SOX5: variants seen among roughly 807,000 people sequenced by gnomAD.
SOX5 encodes transcription factor SOX-5.
In SOX5, 9 loss-of-function variants were observed where a neutral mutation model predicts 92.0. That is an observed-to-expected ratio of 0.10 (90% CI 0.06 to 0.17). The LOEUF (loss-of-function observed/expected upper bound fraction) is 0.17, where lower values mean the gene tolerates loss of function less well. Among genes scored for constraint, SOX5 ranks in the 10% least tolerant of loss-of-function variants. The probability of loss-of-function intolerance (pLI) is 1.00; values close to 1 mark genes in which losing one functional copy is unlikely to be tolerated. For missense variants in SOX5, 642 were observed against 944.5 expected, an observed-to-expected ratio of 0.68 and a Z score of 4.20; for synonymous variants, 344 against 336.3, an observed-to-expected ratio of 1.02 and a Z score of -0.25.
intron 6 of SOX5, among the ~76,000 whole-genome samples, chr12:23,720,890 C>T (rs539035238): frequency 6.6e-6 from 1 of 152,180 alleles, no homozygotes; most frequent in South Asian, 2.1e-4. Flanking sequence ...TCCGTACCTA[C>T]GATCTTGATC....
At chr12:24,104,568 TC>T (rs1413943571) in intron 4 of SOX5, among the ~76,000 whole-genome samples, 1 of 152,234 alleles carries the variant, frequency 6.6e-6, no homozygotes, top group Non-Finnish European at 1.5e-5. Flanking sequence ...GACATCATTA[TC>T]ATTATTTTTA....
intron 1 of SOX5, among the ~76,000 whole-genome samples, chr12:24,390,782 G>A (rs1222216316): frequency 6.6e-6 from 1 of 152,096 alleles, no homozygotes; most frequent in Admixed American, 6.6e-5. Context: ...GTATTCTGTG[G>A]CATGTGTACA....
chr12:24,050,002 C>T (rs188353055), intron 4 of SOX5, among the ~76,000 whole-genome samples: 3 of 147,774 alleles, frequency 2.0e-5, no homozygotes, highest in African/African-American at 7.5e-5. Flanking sequence ...GCTGGGACGC[C>T]TGCCAGATAG....
At position 24,247,761 on chromosome 12, in the gene SOX5, G is replaced by A. The variant is rs371275690; in HGVS notation, c.-77+29455C>T. ...TGCTTCCTGGGTTCAAGCAATTCCC[G>A]TGCCTCAGCCTCTGGAGTAGCTGGG... On this transcript the variant is annotated intron_variant, in intron 3 of 4. Coordinates refer to the SOX5 transcript ENST00000446891. Among the ~76,000 whole-genome samples, 480 of 146,558 alleles carry A rather than the reference G, an allele frequency of 3.3e-3. 7 individuals are homozygous for A. Among genetic ancestry groups the A allele is most frequent in the South Asian group, 0.029 (134 of 4,670 alleles).
intron 4 of SOX5, among the ~76,000 whole-genome samples, chr12:23,963,801 C>T (rs766110371): frequency 1.4e-5 from 2 of 146,880 alleles, no homozygotes; most frequent in Non-Finnish European, 3.0e-5. Flanking sequence ...GCTATATATT[C>T]CATACAATGG....
chr12:23,675,835 A>T (rs570361435), intron 6 of SOX5, among the ~76,000 whole-genome samples: 2 of 152,212 alleles, frequency 1.3e-5, no homozygotes, highest in Non-Finnish European at 2.9e-5. Flanking sequence ...ACAAAAATCA[A>T]CAAAGGACCT....
intron 8 of SOX5, among the ~76,000 whole-genome samples, chr12:23,616,480 C>A (rs10771009): frequency 0.57 from 86,820 of 152,060 alleles, 26,187 homozygotes; most frequent in African/African-American, 0.77. Flanking sequence ...GGAAGAATTC[C>A]TCCTGAAGGG....
chr12:23,578,441 G>A (rs1207445727), intron 9 of SOX5, among the ~76,000 whole-genome samples: 5 of 151,662 alleles, frequency 3.3e-5, no homozygotes, highest in Non-Finnish European at 7.4e-5. Flanking sequence ...ACACTCAAGT[G>A]TAAGAGCCAC....
At chr12:24,474,297 C>T (rs1053704731) in intron 1 of SOX5, among the ~76,000 whole-genome samples, 7 of 152,142 alleles carry the variant, frequency 4.6e-5, no homozygotes, top group African/African-American at 9.7e-5. Context: ...TCTAGAATGA[C>T]TTATCTAATA....
At chr12:24,262,844 T>G (rs1942362222) in intron 3 of SOX5, among the ~76,000 whole-genome samples, 1 of 152,160 alleles carries the variant, frequency 6.6e-6, no homozygotes, top group African/African-American at 2.4e-5. Context: ...CTAGAGAGGA[T>G]AGGTAGTAGG....
At chr12:23,856,276 A>G (rs1376381001) in intron 2 of SOX5, among the ~76,000 whole-genome samples, 1 of 152,140 alleles carries the variant, frequency 6.6e-6, no homozygotes, top group Non-Finnish European at 1.5e-5. Flanking sequence ...GCAATGCTAT[A>G]CACAGATTTT....
intron 4 of SOX5, among the ~76,000 whole-genome samples, chr12:24,110,978 C>G (rs1008309966): frequency 6.7e-6 from 1 of 149,636 alleles, no homozygotes; most frequent in Admixed American, 6.6e-5. Context: ...AAATTTTACG[C>G]TAAGCCAGGA....
chr12:24,296,756 A>G (rs958694628), intron 2 of SOX5, among the ~76,000 whole-genome samples: 2 of 151,748 alleles, frequency 1.3e-5, no homozygotes, highest in African/African-American at 4.8e-5. Context: ...TGTCCTAACT[A>G]AGGCATTATC....
At chr12:23,659,700 C>T (rs191028345) in intron 7 of SOX5, among the ~76,000 whole-genome samples, 418 of 152,190 alleles carry the variant, frequency 2.7e-3, no homozygotes, top group Non-Finnish European at 2.5e-3. Context: ...TGGCCAGGCA[C>T]GGTGGCTCAC....
chr12:23,552,384 GATA>G (rs1450762954), intron 11 of SOX5, among the ~76,000 whole-genome samples: 18 of 151,668 alleles, frequency 1.2e-4, no homozygotes, highest in South Asian at 8.3e-4. Flanking sequence ...GAAACTCAAT[GATA>G]ATAATTGCTT....
intron 4 of SOX5, among the ~76,000 whole-genome samples, chr12:24,190,951 T>A (rs955892097): frequency 1.6e-4 from 25 of 151,940 alleles, no homozygotes; most frequent in African/African-American, 5.6e-4. Flanking sequence ...AGATAAAATT[T>A]AAAAAAAAGA....
At chr12:23,898,826 C>A (rs1289760560) in intron 1 of SOX5, among the ~76,000 whole-genome samples, 3 of 152,040 alleles carry the variant, frequency 2.0e-5, no homozygotes, top group Non-Finnish European at 4.4e-5. Flanking sequence ...ATGCATTGGC[C>A]TTGAAAGTAT....
intron 6 of SOX5, among the ~76,000 whole-genome samples, chr12:23,726,615 C>T (rs1040629316): frequency 2.6e-5 from 4 of 152,176 alleles, no homozygotes; most frequent in East Asian, 1.9e-4. Context: ...TTCCCAGGGG[C>T]GTATATAAGC....
chr12:24,063,419 T>C (rs965465705), intron 4 of SOX5, among the ~76,000 whole-genome samples: 1 of 152,058 alleles, frequency 6.6e-6, no homozygotes, highest in Non-Finnish European at 1.5e-5. Context: ...TTCAGCAGAG[T>C]CTCTAATGCA....
Sources: gnomAD v4.1 joint callset for allele counts (sites outside exome capture counted in the v4.1 genomes callset) on GRCh38, gnomAD v4.1.1 for gene constraint, MANE v1.5 for transcripts, NCBI Gene and HGNC (gene_info 2026-07-23, HGNC 2026-07-21) for gene names.